Variants in SLC38A8 observed in about 807,000 individuals in gnomAD.
SLC38A8 encodes amino acid transporter SLC38A8.
Under a neutral mutation model 46.0 loss-of-function variants are expected in SLC38A8, and 65 were observed. The observed-to-expected ratio is 1.41, with a 90% CI of 1.16 to 1.74. The LOEUF (loss-of-function observed/expected upper bound fraction) is 1.74. Among genes scored for constraint, SLC38A8 ranks in the 40% most tolerant of loss-of-function variants. The pLI, the probability that SLC38A8 is intolerant of heterozygous loss-of-function variation, is 0.00. For synonymous variants in SLC38A8, 447 were observed against 243.7 expected (o/e 1.83, Z -7.77); for missense variants, 998 against 567.9 (o/e 1.76, Z -7.70).
At chr16:84,012,440 G>T (rs553550946) in intron 10 of SLC38A8, among the ~76,000 whole-genome samples, 1 of 152,244 alleles carries the variant, frequency 6.6e-6, no homozygotes, top group Non-Finnish European at 1.5e-5. Context: ...AGGCAGGTGG[G>T]TTAGCATGGG....
intron 7 of SLC38A8, among the ~76,000 whole-genome samples, chr16:84,019,876 G>A (rs1185732341): frequency 6.6e-6 from 1 of 152,268 alleles, no homozygotes. Flanking sequence ...CGTCAAGCTG[G>A]AGGATCATCT....
intron 2 of SLC38A8, among the ~76,000 whole-genome samples, chr16:84,038,586 G>C (rs1013727328): frequency 4.6e-5 from 7 of 152,178 alleles, no homozygotes; most frequent in Admixed American, 4.6e-4. Context: ...TTCTCTTGTA[G>C]GGTGAATATT....
chr16:84,032,070 G>C (rs1407242809), intron 4 of SLC38A8, 102 bp from the exon 5 acceptor site: 1 of 1,014,024 alleles, frequency 9.9e-7, no homozygotes, highest in Non-Finnish European at 1.5e-6. Context: ...CCTTGACAAT[G>C]AGGTGCTGGC....
chr16:84,036,272 T>C (rs143835871), intron 3 of SLC38A8, among the ~76,000 whole-genome samples: 49 of 152,306 alleles, frequency 3.2e-4, no homozygotes, highest in African/African-American at 1.2e-3. Context: ...ATAGGACATA[T>C]GAAAATTGGC....
At chr16:84,018,295 C>T (rs570816262) in intron 7 of SLC38A8, among the ~76,000 whole-genome samples, 8 of 140,264 alleles carry the variant, frequency 5.7e-5, no homozygotes, top group Admixed American at 7.5e-5. Flanking sequence ...TGCAGTGGCA[C>T]GATCTCGGCT....
intron 6 of SLC38A8, among the ~76,000 whole-genome samples, chr16:84,024,838 C>T (rs1344256171): frequency 1.3e-5 from 2 of 152,022 alleles, no homozygotes; most frequent in African/African-American, 2.4e-5. Context: ...TACAGGCACG[C>T]CCAGCTAATT....
chr16:84,009,750 G>C lies in SLC38A8; in HGVS notation c.*34C>G. 2 of 1,594,522 alleles carry C rather than the reference G, an allele frequency of 1.3e-6. No individual in the cohort carries two copies. The highest frequency in any genetic ancestry group is 1.7e-6 in the Non-Finnish European group (2 of 1,167,824). ...CAGCAGCCACGTAGGGTCAGCCCCC[G>C]GAGGGCCCCTTCCTGCCCGGCACTA... On this transcript the variant is annotated 3_prime_UTR_variant, in exon 11 of 11. Transcript: ENST00000299709.
In SLC38A8 at chr16:84,033,322, C is replaced by T; in HGVS notation, c.530+6G>A. ...GGCCCCCACCAGGCAGCATCCCAGC[C>T]CTTACCTTGTGTATTTCTGGAAGGC... On this transcript the variant is annotated splice_donor_region_variant and intron_variant, in intron 4 of 10. Transcript: ENST00000299709. The T allele has an allele frequency of 6.2e-7, 1 of 1,614,072 alleles. No homozygotes were observed. The highest frequency in any genetic ancestry group is 1.1e-5 in the South Asian group (1 of 91,078).
intron 4 of SLC38A8, among the ~76,000 whole-genome samples, 194 bp downstream of exon 4, chr16:84,033,134 G>C (rs62045931): frequency 6.6e-6 from 1 of 152,076 alleles, no homozygotes; most frequent in African/African-American, 2.4e-5. Flanking sequence ...CGTTGTTACA[G>C]GTCATTTTCT....
At chr16:84,032,509 G>T (rs77681986) in intron 4 of SLC38A8, among the ~76,000 whole-genome samples, 1 of 152,174 alleles carries the variant, frequency 6.6e-6, no homozygotes, top group Non-Finnish European at 1.5e-5. Context: ...ATGGCACCCG[G>T]CGCCCTTCGG....
In SLC38A8 at chr16:84,042,241, C is replaced by G. The variant is rs369590226; in HGVS notation, c.-2-82G>C. ...TTCTCGATATCCTTATTTGTCTCCC[C>G]AACTCAGTGAGAGCTCCCTGAGCCG... On this transcript the variant is annotated intron_variant, in intron 1 of 10. Coordinates refer to ENST00000299709, the MANE Select transcript of SLC38A8 (RefSeq NM_001080442.3). The G allele has an allele frequency of 6.3e-4, 921 of 1,455,184 alleles. 15 individuals are homozygous for G. In the South Asian group the frequency reaches 0.011, roughly 18 times the overall value. The allele number at this position is 1,455,184 out of a possible 1,614,324, so 90.1% of individuals were successfully genotyped here.
At chr16:84,012,074 GA>G (rs1567688268) in intron 10 of SLC38A8, among the ~76,000 whole-genome samples, 1 of 152,170 alleles carries the variant, frequency 6.6e-6, no homozygotes, top group African/African-American at 2.4e-5. Flanking sequence ...CCTGGCTCCA[GA>G]ACTGGGGAAA....
intron 6 of SLC38A8, among the ~76,000 whole-genome samples, chr16:84,028,457 C>T (rs1182794900): frequency 4.0e-5 from 6 of 151,542 alleles, no homozygotes; most frequent in East Asian, 3.9e-4. Context: ...TGGTGGTGCA[C>T]GCCTGTAGTC....
chr16:84,038,828 G>A (rs11639994), intron 2 of SLC38A8, among the ~76,000 whole-genome samples: 1 of 151,980 alleles, frequency 6.6e-6, no homozygotes, highest in African/African-American at 2.4e-5. Flanking sequence ...ATCCGTATCG[G>A]GCGCACAGGC....
At chr16:84,015,438 C>G (rs1257690530) in intron 9 of SLC38A8, among the ~76,000 whole-genome samples, 1 of 152,004 alleles carries the variant, frequency 6.6e-6, no homozygotes, top group East Asian at 1.9e-4. Context: ...TTGCAGGGTG[C>G]CTTGAGCCAC....
intron 7 of SLC38A8, among the ~76,000 whole-genome samples, chr16:84,019,391 G>T (rs902974020): frequency 1.3e-5 from 2 of 152,060 alleles, no homozygotes; most frequent in Non-Finnish European, 2.9e-5. Context: ...TTTTTAACCC[G>T]AAATAATTAA....
chr16:84,034,384 G>A (rs1056646568), intron 3 of SLC38A8, among the ~76,000 whole-genome samples: 3 of 152,232 alleles, frequency 2.0e-5, no homozygotes, highest in African/African-American at 7.2e-5. Context: ...TTTTTATTCT[G>A]CCACAGTGGG....
intron 6 of SLC38A8, among the ~76,000 whole-genome samples, chr16:84,024,508 C>A (rs181816706): frequency 6.6e-6 from 1 of 151,512 alleles, no homozygotes; most frequent in Non-Finnish European, 1.5e-5. Flanking sequence ...CAGGAGGGAG[C>A]GGTGGCTCAC....
In SLC38A8 at chr16:84,009,715, T is replaced by A. The variant is rs1227570265; in HGVS notation, c.*69A>T. 2.2e-6 allele frequency: 3 copies of A among 1,354,284 alleles called. No homozygotes were observed. Among genetic ancestry groups the A allele is most frequent in the Non-Finnish European group, 3.1e-6 (3 of 975,050 alleles). 83.9% of individuals were successfully genotyped at this position (1,354,284 alleles called of 1,614,324 possible). The stretch of plus-strand genomic sequence containing the variant: ...AGGAAAAGAAATGGCATCGGTCTCC[T>A]GGCTGCATACAGCAGCCACGTAGGG... On this transcript the variant is annotated 3_prime_UTR_variant, in exon 11 of 11. Coordinates refer to ENST00000299709, the MANE Select transcript of SLC38A8 (RefSeq NM_001080442.3).
Sources: allele counts gnomAD v4.1 joint callset (sites outside exome capture counted in the v4.1 genomes callset), GRCh38; gene constraint gnomAD v4.1.1; transcripts MANE v1.5; gene names NCBI Gene and HGNC (gene_info 2026-07-23, HGNC 2026-07-21).